POU6F2: variants seen among roughly 807,000 people sequenced by gnomAD.
POU6F2 encodes the protein POU domain, class 6, transcription factor 2.
Under a neutral mutation model 71.3 loss-of-function variants are expected in POU6F2, and 31 were observed. The ratio of observed to expected loss-of-function variants is 0.43; its 90% CI spans 0.33 to 0.59. The LOEUF (loss-of-function observed/expected upper bound fraction) is 0.59, where lower values mean the gene tolerates loss of function less well. Among genes scored for constraint, POU6F2 ranks in the 20% least tolerant of loss-of-function variants. The pLI is 0.04. For synonymous variants in POU6F2, 347 were observed against 355.7 expected, an observed-to-expected ratio of 0.98 and a Z score of 0.27; for missense variants, 783 against 856.8, an observed-to-expected ratio of 0.91 and a Z score of 1.07.
intron 1 of POU6F2, among the ~76,000 whole-genome samples, chr7:39,080,861 T>C (rs1027685027): frequency 3.3e-5 from 5 of 152,222 alleles, no homozygotes; most frequent in African/African-American, 9.6e-5. Context: ...AAAATGAGAA[T>C]GAATATGCTT....
intron 2 of POU6F2, among the ~76,000 whole-genome samples, chr7:39,181,758 C>A (rs1476225102): frequency 6.6e-6 from 1 of 152,172 alleles, no homozygotes; most frequent in Non-Finnish European, 1.5e-5. Flanking sequence ...AGCTGGTGTC[C>A]TTCATTCCTT....
At chr7:39,192,211 C>T (rs1793683884) in intron 2 of POU6F2, among the ~76,000 whole-genome samples, 1 of 152,188 alleles carries the variant, frequency 6.6e-6, no homozygotes, top group African/African-American at 2.4e-5. Flanking sequence ...TATTTCCTTC[C>T]TGTCCTTTAC....
intron 4 of POU6F2, among the ~76,000 whole-genome samples, chr7:39,313,341 A>G (rs950080634): frequency 6.6e-6 from 1 of 151,976 alleles, no homozygotes; most frequent in Non-Finnish European, 1.5e-5. Flanking sequence ...TGCCTTACCT[A>G]AAATTCCAAT....
chr7:38,988,546 T>C (rs1455719177), intron 1 of POU6F2, among the ~76,000 whole-genome samples: 1 of 152,108 alleles, frequency 6.6e-6, no homozygotes, highest in Non-Finnish European at 1.5e-5. Context: ...GTCTAATGTT[T>C]AATACTATTT....
At chr7:39,185,691 G>A (rs75834258) in intron 2 of POU6F2, among the ~76,000 whole-genome samples, 2 of 151,896 alleles carry the variant, frequency 1.3e-5, no homozygotes, top group Non-Finnish European at 2.9e-5. Context: ...TTCATTGCCA[G>A]GTTGTAGGCC....
chr7:39,077,044 T>C (rs1444526743), intron 1 of POU6F2, among the ~76,000 whole-genome samples: 1 of 152,234 alleles, frequency 6.6e-6, no homozygotes, highest in African/African-American at 2.4e-5. Context: ...TGTTGTATTC[T>C]GATTAAATCC....
At chr7:39,373,845 G>T (rs767262314) in intron 5 of POU6F2, 13 of 167,226 alleles carry the variant, frequency 7.8e-5, no homozygotes, top group Non-Finnish European at 1.7e-4. Context: ...ACTTTTCATA[G>T]ATCTTAACTC....
chr7:39,296,513 G>C (rs565774619), intron 4 of POU6F2, among the ~76,000 whole-genome samples: 92 of 152,222 alleles, frequency 6.0e-4, no homozygotes, highest in Non-Finnish European at 1.1e-3. Context: ...TTAGCATTTT[G>C]TACCCTTGTA....
At chr7:39,063,159 A>T (rs1790691985) in intron 1 of POU6F2, among the ~76,000 whole-genome samples, 1 of 152,184 alleles carries the variant, frequency 6.6e-6, no homozygotes, top group Non-Finnish European at 1.5e-5. Flanking sequence ...GCCTGTAAAT[A>T]TGATTTACGG....
rs1429084259 is a variant in POU6F2 at position 39,223,928 on chromosome 7, A to T, written c.598+16308A>T. On this transcript the variant is annotated intron_variant, in intron 4 of 9. Transcript: ENST00000518318. The stretch of plus-strand genomic sequence containing the variant: ...TTCTTCACTTGAGCACTTCTATCCA[A>T]TCCTATATATCTATTAGACATTTTT... 3.3e-5 allele frequency among the ~76,000 whole-genome samples: 5 copies of T among 152,248 alleles called. No individual in the cohort carries two copies. In the East Asian group the frequency reaches 9.7e-4, roughly 29 times the overall value.
At chr7:39,293,815 G>A (rs1784804859) in intron 4 of POU6F2, among the ~76,000 whole-genome samples, 1 of 152,166 alleles carries the variant, frequency 6.6e-6, no homozygotes, top group Non-Finnish European at 1.5e-5. Flanking sequence ...AATGAACGAG[G>A]ACATCTCTTT....
chr7:39,158,168 G>C (rs1018370167), intron 2 of POU6F2, among the ~76,000 whole-genome samples: 3 of 152,162 alleles, frequency 2.0e-5, no homozygotes, highest in Non-Finnish European at 4.4e-5. Flanking sequence ...AACGTATATA[G>C]TAAGCACAAA....
intron 1 of POU6F2, among the ~76,000 whole-genome samples, chr7:39,034,660 G>A (rs971977287): frequency 6.6e-6 from 1 of 152,110 alleles, no homozygotes; most frequent in African/African-American, 2.4e-5. Flanking sequence ...GGACACTGCT[G>A]GGTGTGAATC....
chr7:39,043,647 C>T (rs1013906086), intron 1 of POU6F2, among the ~76,000 whole-genome samples: 1 of 151,950 alleles, frequency 6.6e-6, no homozygotes, highest in Non-Finnish European at 1.5e-5. Flanking sequence ...CAGTAAAGAA[C>T]ATGTAATGCC....
At chr7:39,036,577 A>T (rs1790070157) in intron 1 of POU6F2, among the ~76,000 whole-genome samples, 1 of 152,002 alleles carries the variant, frequency 6.6e-6, no homozygotes, top group South Asian at 2.1e-4. Context: ...AGGAAGGGGA[A>T]GTTTCAAGTT....
intron 2 of POU6F2, among the ~76,000 whole-genome samples, chr7:39,190,417 TA>T (rs57872350): frequency 0.024 from 1,415 of 59,826 alleles, 22 homozygotes; most frequent in African/African-American, 0.061. Context: ...CTCCTTTTCT[TA>T]AAAAAAAAAA....
intron 2 of POU6F2, among the ~76,000 whole-genome samples, chr7:39,092,155 C>T (rs570494675): frequency 5.9e-5 from 9 of 152,300 alleles, no homozygotes; most frequent in African/African-American, 2.2e-4. Flanking sequence ...AGTGTTTATA[C>T]CAAACTGGCA....
intron 2 of POU6F2, among the ~76,000 whole-genome samples, chr7:39,174,027 G>C (rs10229456): frequency 0.42 from 63,309 of 152,106 alleles, 13,757 homozygotes; most frequent in African/African-American, 0.52. Flanking sequence ...CAGAAAACTT[G>C]CTTCTCATGC....
chr7:39,435,336 T>G (rs1041766262), intron 7 of POU6F2, among the ~76,000 whole-genome samples: 1 of 152,246 alleles, frequency 6.6e-6, no homozygotes, highest in African/African-American at 2.4e-5. Context: ...CTGATTGGCA[T>G]GAGATGGTAT....
Sources: allele counts gnomAD v4.1 joint callset (sites outside exome capture counted in the v4.1 genomes callset), GRCh38; gene constraint gnomAD v4.1.1; transcripts MANE v1.5; gene names NCBI Gene and HGNC (gene_info 2026-07-23, HGNC 2026-07-21).